Variants in UTP18 observed in about 807,000 individuals in gnomAD.
The protein encoded by UTP18 is U3 small nucleolar RNA-associated protein 18 homolog.
A neutral mutation model predicts 61.1 loss-of-function variants in UTP18; 36 were observed. The observed-to-expected ratio is 0.59, with a 90% CI of 0.45 to 0.78. The LOEUF is 0.78. Among genes scored for constraint, UTP18 ranks in the 30% least tolerant of loss-of-function variants. The pLI is 0.00. For missense variants in UTP18, 753 were observed against 693.9 expected (o/e 1.09, Z -0.96); for synonymous variants, 282 against 251.1 (o/e 1.12, Z -1.16).
intron 10 of UTP18, among the ~76,000 whole-genome samples, chr17:51,286,081 G>T (rs1905104125): frequency 6.6e-6 from 1 of 152,042 alleles, no homozygotes; most frequent in Non-Finnish European, 1.5e-5. Context: ...TATCCAGCTG[G>T]GGGTATAAAT....
At chr17:51,291,562 C>G (rs917859492) in intron 11 of UTP18, among the ~76,000 whole-genome samples, 1 of 151,908 alleles carries the variant, frequency 6.6e-6, no homozygotes, top group Non-Finnish European at 1.5e-5. Context: ...TGGTGAAACC[C>G]CATTTCTACT....
intron 2 of UTP18, among the ~76,000 whole-genome samples, chr17:51,264,236 G>A (rs1380283634): frequency 6.6e-6 from 1 of 151,802 alleles, no homozygotes; most frequent in African/African-American, 2.4e-5. Flanking sequence ...AGAGTTAGAC[G>A]GAGTTTTGCT....
chr17:51,273,425 C>T lies in UTP18; in HGVS notation c.686C>T (p.Thr229Ile), dbSNP rs763093099. The change falls in exon 5 of 14, where the codon ACT becomes ATT. Residue 229 changes from threonine (T) to isoleucine (I), a missense_variant. Transcript: ENST00000225298. ...QRTGNFISTS[T>I]SLPRGILKMK... ...ACTGGGAATTTCATATCCACATCAA[C>T]TTCTCTTCCAAGAGGAATCTTGAAG... 10 of 1,610,622 alleles carry T rather than the reference C, an allele frequency of 6.2e-6. No homozygotes were observed. The highest frequency in any genetic ancestry group is 6.8e-6 in the Non-Finnish European group (8 of 1,178,568).
At chr17:51,280,140 A>G (rs1430489960) in intron 8 of UTP18, 35 bp downstream of exon 8, 1 of 1,585,248 alleles carries the variant, frequency 6.3e-7, no homozygotes, top group Non-Finnish European at 8.6e-7. Context: ...TTCTTCTCCC[A>G]CAAGACACTA....
rs535265870 is a variant in UTP18 at position 51,260,903 on chromosome 17, C to T, written c.319C>T (p.Leu107=). Reference sequence around the variant, plus strand: ...CGTCGAGAACGACGAGGACGCGTTGCTGCGGCGTCTGCGAGGCCCGAGGGT... The same window carrying T: ...CGTCGAGAACGACGAGGACGCGTTGTTGCGGCGTCTGCGAGGCCCGAGGGT... ...GDVENDEDAL[L]RRLRGPRVQE... is the part of the protein sequence containing the mutation. The change falls in exon 1 of 14, where the codon CTG becomes TTG. Residue 107 remains leucine (L), a synonymous_variant. Coordinates refer to ENST00000225298, the MANE Select transcript of UTP18 (RefSeq NM_016001.3). The T allele has an allele frequency of 6.7e-5, 107 of 1,590,734 alleles. No homozygotes were observed. The East Asian group carries it at 2.1e-3, about 31-fold the overall frequency.
At chr17:51,296,010 G>A (rs1434560585) in intron 12 of UTP18, among the ~76,000 whole-genome samples, 2 of 152,098 alleles carry the variant, frequency 1.3e-5, no homozygotes, top group Non-Finnish European at 2.9e-5. Flanking sequence ...TTTTTAAAAG[G>A]TGTTTCTTTC....
At chr17:51,284,723 GACTA>G (rs766589345) in intron 9 of UTP18, among the ~76,000 whole-genome samples, 1 of 152,086 alleles carries the variant, frequency 6.6e-6, no homozygotes, top group Non-Finnish European at 1.5e-5. Context: ...GTCTATTAAT[GACTA>G]ACTGATGCAG....
rs1905384141 is a variant in UTP18, at chr17:51,296,982, A to G, written c.1664A>G (p.Asp555Gly). The stretch of plus-strand genomic sequence containing the variant: ...TTTTCCAGGTTGCACCATTACTCAG[A>G]CTTCTAAAGAGACTATTTGAAGTAA... ...ALMYRLHHYSDF is the reference protein window; with the variant it reads ...ALMYRLHHYSGF Residue 555 changes from aspartate (D) to glycine (G), a missense_variant, in exon 13 of 14, where the codon GAC becomes GGC. Asp to Gly is a moderately conservative substitution (Grantham distance 94). Transcript: ENST00000225298. The G allele has an allele frequency of 3.7e-6, 6 of 1,606,004 alleles. No individual in the cohort carries two copies. Among genetic ancestry groups the G allele is most frequent in the African/African-American group, 2.7e-5 (2 of 74,344 alleles).
chr17:51,264,509 C>T (rs2055539830), intron 2 of UTP18, among the ~76,000 whole-genome samples: 1 of 151,988 alleles, frequency 6.6e-6, no homozygotes, highest in Non-Finnish European at 1.5e-5. Flanking sequence ...ATAAGTACTG[C>T]CAGACTGCAT....
chr17:51,265,800 G>C (rs1456563789), intron 2 of UTP18, among the ~76,000 whole-genome samples: 2 of 151,990 alleles, frequency 1.3e-5, no homozygotes, highest in African/African-American at 4.8e-5. Flanking sequence ...TTGACCTCGT[G>C]ATCCACCTGC....
intron 11 of UTP18, among the ~76,000 whole-genome samples, chr17:51,291,348 TG>T (rs1430155304): frequency 6.6e-6 from 1 of 152,214 alleles, no homozygotes; most frequent in Non-Finnish European, 1.5e-5. Context: ...GAGATTACAC[TG>T]GGGAATTTTG....
At chr17:51,293,599 A>G (rs1209482509) in intron 11 of UTP18, among the ~76,000 whole-genome samples, 1 of 151,878 alleles carries the variant, frequency 6.6e-6, no homozygotes, top group Non-Finnish European at 1.5e-5. Flanking sequence ...CAGGGAAGCC[A>G]AAAGATTGGA....
intron 3 of UTP18, 129 bp downstream of exon 3, chr17:51,266,409 T>TA: frequency 1.8e-6 from 1 of 568,474 alleles, no homozygotes; most frequent in Non-Finnish European, 2.8e-6. Flanking sequence ...GGGCAGTGAC[T>TA]AAATTTCTGT....
Position 51,280,478 on chromosome 17 carries a change from G to A in UTP18, c.1203G>A (p.Ser401=), listed in dbSNP as rs374301359. The part of the protein sequence containing the change: ...SSDSKKVYAS[S]GDGEVYVWDV... ...ATAGTAAGAAAGTATACGCCTCTTC[G>A]GGTAAGACAACGACATGAAAGAAGC... Residue 401 remains serine (S), a splice_region_variant and synonymous_variant, in exon 9 of 14, where the codon TCG becomes TCA. Transcript: ENST00000225298. The A allele has an allele frequency of 8.7e-6, 14 of 1,613,494 alleles. No homozygotes were observed. Among genetic ancestry groups the A allele is most frequent in the African/African-American group, 2.7e-5 (2 of 74,882 alleles).
chr17:51,261,339 T>A (rs868841455), intron 1 of UTP18, among the ~76,000 whole-genome samples: 3 of 152,244 alleles, frequency 2.0e-5, no homozygotes, highest in Non-Finnish European at 4.4e-5. Flanking sequence ...GGCATCTCCG[T>A]TGTAACTATG....
In UTP18 at chr17:51,280,006, T is replaced by A; in HGVS notation, c.1014T>A (p.Gly338=). The change falls in exon 8 of 14, where the codon GGT becomes GGA. Residue 338 remains glycine, a splice_region_variant and synonymous_variant. Coordinates refer to ENST00000225298, the MANE Select transcript of UTP18 (RefSeq NM_016001.3). ...TAATTGCTTCATTTCCTATTTTAGG[T>A]TTGAAAGAGAAGATAGTGAGGAGCT... is the stretch of plus-strand genomic sequence containing the variant. ...GKLIPVHQVR[G]LKEKIVRSFE... 1 of 1,610,326 alleles carries A rather than the reference T, an allele frequency of 6.2e-7. No individual in the cohort carries two copies. The highest frequency in any genetic ancestry group is 8.5e-7 in the Non-Finnish European group (1 of 1,178,242).
chr17:51,269,258 G>A lies in UTP18; in HGVS notation c.622+354G>A, dbSNP rs377540818. Among the ~76,000 whole-genome samples, 9 of 119,726 alleles carry A rather than the reference G, an allele frequency of 7.5e-5. No individual in the cohort carries two copies. The South Asian group carries it at 8.5e-4, about 11-fold the overall frequency. The allele number at this position is 119,726 out of a possible 152,430, so 78.5% of individuals were successfully genotyped here. A position where few individuals can be genotyped will look rare whatever the true frequency, so the allele number is the denominator to read the frequency against. On this transcript the variant is annotated intron_variant, in intron 4 of 13. Transcript: ENST00000225298. ...CCTGTGATAAGTGATAAGTGCCACC[G>A]TACTCCAGCCTGGGTGACAGAGTGA...
chr17:51,272,419 T>G (rs1904559269), intron 4 of UTP18, among the ~76,000 whole-genome samples: 1 of 152,128 alleles, frequency 6.6e-6, no homozygotes, highest in Admixed American at 6.6e-5. Context: ...ATTTTTAAGG[T>G]TTGTGTCTGA....
chr17:51,280,071 G>A lies in UTP18; in HGVS notation c.1079G>A (p.Gly360Asp), dbSNP rs1284404486. 1.2e-6 allele frequency: 2 copies of A among 1,613,764 alleles called. No homozygotes were observed. Among genetic ancestry groups the A allele is most frequent in the Non-Finnish European group, 1.7e-6 (2 of 1,179,932 alleles). The change falls in exon 8 of 14, where the codon GGC (glycine) becomes GAC (aspartate). Residue 360 changes from glycine to aspartate, a missense_variant. Gly to Asp is a moderately conservative substitution (Grantham distance 94, BLOSUM62 -1). Coordinates refer to ENST00000225298, the MANE Select transcript of UTP18 (RefSeq NM_016001.3). ...SPDGSFLLIN[G>D]IAGYLHLLAM... ...GATGGGTCCTTCTTGCTCATAAATG[G>A]CATTGCTGGATATTTGCATTTGCTA...
Sources: allele counts gnomAD v4.1 joint callset (sites outside exome capture counted in the v4.1 genomes callset), GRCh38; gene constraint gnomAD v4.1.1; transcripts MANE v1.5; gene names NCBI Gene and HGNC (gene_info 2026-07-23, HGNC 2026-07-21).